The following PTPN5 variants were observed in gnomAD, a reference collection of about 807,000 sequenced individuals.
PTPN5 encodes tyrosine-protein phosphatase non-receptor type 5.
Under a neutral mutation model 73.9 loss-of-function variants are expected in PTPN5, and 29 were observed. That is an observed-to-expected ratio of 0.39 (90% CI 0.29 to 0.54). The LOEUF (loss-of-function observed/expected upper bound fraction) is 0.54. Among genes scored for constraint, PTPN5 ranks in the 20% least tolerant of loss-of-function variants. PTPN5 has a pLI of 0.65. For missense variants in PTPN5, 652 were observed against 751.4 expected, an observed-to-expected ratio of 0.87 and a Z score of 1.55; for synonymous variants, 267 against 304.7, an observed-to-expected ratio of 0.88 and a Z score of 1.29.
rs143710986 is a variant in PTPN5 at position 18,740,670 on chromosome 11, C to A, written c.848G>T (p.Arg283Leu). The A allele has an allele frequency of 6.2e-7, 1 of 1,605,336 alleles. No homozygotes were observed. Residue 283 changes from arginine to leucine, a missense_variant, in exon 8 of 15, where the codon CGT (arginine) becomes CTT (leucine). Around this residue, in one of 3 missense-constraint regions of PTPN5, gnomAD observed 529 missense variants for 573.9 expected, o/e 0.92. Transcript: ENST00000358540. ...SAREYLLSAS[R>L]VLQAEELHEK... The stretch of plus-strand genomic sequence containing the variant: ...ATGAAGCTCTTCTGCTTGGAGGACA[C>A]GGGAGGCGCTGAGCAGGTACTCGCG...
intron 2 of PTPN5, among the ~76,000 whole-genome samples, chr11:18,770,982 T>C (rs1850866092): frequency 6.6e-6 from 1 of 152,166 alleles, no homozygotes; most frequent in African/African-American, 2.4e-5. Context: ...TGGAGTCTCC[T>C]AACATGAAGT....
intron 9 of PTPN5, 51 bp downstream of exon 9, chr11:18,737,829 C>T (rs766786462): frequency 7.3e-6 from 11 of 1,508,802 alleles, no homozygotes; most frequent in Non-Finnish European, 1.0e-5. Context: ...TGAGGGGATC[C>T]CCAGGTGAAG....
Position 18,733,968 on chromosome 11 carries a change from G to C in PTPN5, c.1001-333C>G, listed in dbSNP as rs540368390. ...AATGGAATTACCTAGGGAAATTCCT[G>C]TACAGATCTTGTTCAGCAAGAGACA... On this transcript the variant is annotated intron_variant, in intron 9 of 14. Transcript: ENST00000358540. This position sits in a 1 kb window ranked among gnomAD's most constrained non-coding sequence, Gnocchi z 4.3. Among the ~76,000 whole-genome samples, 1 of 152,200 alleles carries C rather than the reference G, an allele frequency of 6.6e-6. No individual in the cohort carries two copies. Among genetic ancestry groups the C allele is most frequent in the Non-Finnish European group, 1.5e-5 (1 of 68,042 alleles).
intron 2 of PTPN5, among the ~76,000 whole-genome samples, chr11:18,768,168 A>G (rs1319957822): frequency 1.3e-5 from 2 of 152,234 alleles, no homozygotes; most frequent in African/African-American, 4.8e-5. Flanking sequence ...TTGAGAAAAC[A>G]TTAGGAATCT....
At chr11:18,765,173 T>C (rs1022140659) in intron 3 of PTPN5, among the ~76,000 whole-genome samples, 6 of 152,110 alleles carry the variant, frequency 3.9e-5, no homozygotes, top group African/African-American at 1.2e-4. Context: ...TAAAAACTTA[T>C]AAAAAAATGT....
intron 9 of PTPN5, among the ~76,000 whole-genome samples, chr11:18,737,289 T>G (rs1163008771): frequency 6.6e-6 from 1 of 152,206 alleles, no homozygotes; most frequent in Non-Finnish European, 1.5e-5. Context: ...CTTTCAGACC[T>G]TCTAGGGGAC....
chr11:18,730,241 T>C (rs753962008), intron 12 of PTPN5: 5 of 350,934 alleles, frequency 1.4e-5, no homozygotes, highest in Non-Finnish European at 2.0e-5. Flanking sequence ...TCTATCTTAG[T>C]GCTGCAATTA....
Position 18,728,745 on chromosome 11 carries a change from C to A in PTPN5, c.*189G>T. 3.6e-6 allele frequency: 2 copies of A among 560,240 alleles called. No homozygotes were observed. The highest frequency in any genetic ancestry group is 2.7e-5 in the South Asian group (1 of 37,286). 34.7% of individuals were successfully genotyped at this position (560,240 alleles called of 1,614,324 possible). Reference sequence around the variant, plus strand: ...CATGTCCCTTCCCGACCCTGCCCCCCACTCCCCAATATGTACAGTAGGAAG... The same window carrying A: ...CATGTCCCTTCCCGACCCTGCCCCCAACTCCCCAATATGTACAGTAGGAAG... On this transcript the variant is annotated 3_prime_UTR_variant, in exon 15 of 15. Transcript: ENST00000358540. This position sits in a 1 kb window ranked among gnomAD's most constrained non-coding sequence, Gnocchi z 4.1.
rs200278262 is a variant in PTPN5, at chr11:18,729,584, C to T, written c.1491-18G>A. 1.3e-4 allele frequency: 198 copies of T among 1,574,436 alleles called. No homozygotes were observed. The highest frequency in any genetic ancestry group is 2.0e-4 in the Middle Eastern group (1 of 5,054). ...TCCCTGCACTGAGGGCCGAGGGGAC[C>T]GGTGGGGTGAGGGGCAGGGCAGCCC... On this transcript the variant is annotated intron_variant, in intron 13 of 14. Transcript: ENST00000358540. The surrounding 1 kb of genome is among the most constrained non-coding windows in gnomAD (Gnocchi z 5.2).
intron 4 of PTPN5, chr11:18,743,768 C>A (rs1172249280): frequency 1.6e-5 from 9 of 578,040 alleles, no homozygotes; most frequent in Non-Finnish European, 2.7e-5. Flanking sequence ...GTCGGGGAGG[C>A]CCTGTGTTCT....
rs1849431329 is a variant in PTPN5, at chr11:18,742,820, T to C, written c.483+172A>G. On this transcript the variant is annotated intron_variant, in intron 6 of 14. Coordinates refer to ENST00000358540, the MANE Select transcript of PTPN5 (RefSeq NM_006906.2). This position sits in a 1 kb window ranked among gnomAD's most constrained non-coding sequence, Gnocchi z 4.1. ...AGCCCAGATCACTGCAAACCAATTT[T>C]CGGAAAGAAGGAGGCTCTTGCCCCA... Among the ~76,000 whole-genome samples, 1 of 152,090 alleles carries C rather than the reference T, an allele frequency of 6.6e-6. No homozygotes were observed. The highest frequency in any genetic ancestry group is 1.5e-5 in the Non-Finnish European group (1 of 68,006).
intron 1 of PTPN5, among the ~76,000 whole-genome samples, chr11:18,786,269 C>G (rs996588428): frequency 6.6e-6 from 1 of 151,612 alleles, no homozygotes; most frequent in African/African-American, 2.4e-5. Flanking sequence ...GTGGCTCTAT[C>G]TCGGCTCACT....
chr11:18,743,129 C>A (rs561329191), intron 5 of PTPN5, 54 bp from the exon 6 acceptor site: 16 of 1,343,256 alleles, frequency 1.2e-5, no homozygotes, highest in Admixed American at 9.9e-5. Flanking sequence ...GAGTTCTCAG[C>A]TCTTGCAATG....
chr11:18,737,705 C>T (rs779020575), intron 9 of PTPN5, among the ~76,000 whole-genome samples, 175 bp downstream of exon 9: 1 of 152,148 alleles, frequency 6.6e-6, no homozygotes, highest in African/African-American at 2.4e-5. Flanking sequence ...GAAATGTACT[C>T]GCCTCTGGCC....
At chr11:18,750,368 C>A (rs948827201) in intron 3 of PTPN5, among the ~76,000 whole-genome samples, 1 of 152,154 alleles carries the variant, frequency 6.6e-6, no homozygotes, top group Non-Finnish European at 1.5e-5. Flanking sequence ...AGAGCCCATG[C>A]TATTAGCCAC....
At chr11:18,739,846 T>G (rs567095794) in intron 8 of PTPN5, among the ~76,000 whole-genome samples, 15 of 152,282 alleles carry the variant, frequency 9.9e-5, no homozygotes, top group African/African-American at 3.4e-4. Flanking sequence ...CTCAGGGCCC[T>G]CCTGCCAGGA....
chr11:18,729,075 C>T lies in PTPN5; in HGVS notation c.1605-48G>A. ...GGGGGCAGGGTCGTGGAGGGATGGG[C>T]TGTGGGAGGTGCCCCAAAAGCCATG... On this transcript the variant is annotated intron_variant, in intron 14 of 14. Coordinates refer to ENST00000358540, the MANE Select transcript of PTPN5 (RefSeq NM_006906.2). The surrounding 1 kb of genome is among the most constrained non-coding windows in gnomAD (Gnocchi z 5.2). 6.3e-7 allele frequency: 1 copy of T among 1,590,184 alleles called. No individual in the cohort carries two copies. The highest frequency in any genetic ancestry group is 8.6e-7 in the Non-Finnish European group (1 of 1,167,754).
intron 1 of PTPN5, among the ~76,000 whole-genome samples, chr11:18,782,510 G>A (rs1375084354): frequency 6.6e-6 from 1 of 152,224 alleles, no homozygotes; most frequent in Non-Finnish European, 1.5e-5. Flanking sequence ...TTACAGGTAT[G>A]AGCCACTGCG....
chr11:18,747,251 A>C (rs894563280), intron 3 of PTPN5, among the ~76,000 whole-genome samples: 4 of 151,974 alleles, frequency 2.6e-5, no homozygotes, highest in African/African-American at 7.3e-5. Context: ...CCTGGGTTCA[A>C]GCAATTCTCC....
Sources: gnomAD v4.1 joint callset for allele counts (sites outside exome capture counted in the v4.1 genomes callset) on GRCh38, gnomAD v4.1.1 for gene constraint, gnomAD v4.1.1 regional missense constraint, Gnocchi (gnomAD v3.1) non-coding constraint, MANE v1.5 for transcripts, NCBI Gene and HGNC (gene_info 2026-07-23, HGNC 2026-07-21) for gene names.